Variants in PPARGC1A observed in about 807,000 individuals in gnomAD.
The protein encoded by PPARGC1A is peroxisome proliferator-activated receptor gamma coactivator 1-alpha.
PPARGC1A carries 25 observed loss-of-function variants against 88.7 expected under a neutral mutation model. The observed-to-expected ratio is 0.28, with a 90% confidence interval of 0.21 to 0.39. The LOEUF is 0.39. Ranked by LOEUF, PPARGC1A falls within the 10% of genes least tolerant of loss-of-function variation. PPARGC1A has a pLI of 1.00. For missense variants in PPARGC1A, 880 were observed against 968.7 expected (o/e 0.91, Z 1.22); for synonymous variants, 363 against 355.6 (o/e 1.02, Z -0.24).
At chr4:23,917,173 C>T in the PPARGC1A span, among the ~76,000 whole-genome samples, 1 of 152,146 alleles carries the variant, frequency 6.6e-6, no homozygotes, top group Non-Finnish European at 1.5e-5. Context: ...GCAATTGGAA[C>T]AGGCAGTAGA....
the PPARGC1A span, among the ~76,000 whole-genome samples, chr4:23,947,887 T>C: frequency 9.4e-3 from 1,426 of 152,208 alleles, 15 homozygotes; most frequent in African/African-American, 0.026. Flanking sequence ...CTAGGCTCCA[T>C]ATTGCTTTTT....
the PPARGC1A span, among the ~76,000 whole-genome samples, chr4:24,110,246 G>C: frequency 1.8e-4 from 27 of 152,266 alleles, no homozygotes; most frequent in African/African-American, 6.5e-4. Flanking sequence ...TGTGTATGGA[G>C]ATAACCCAAA....
chr4:24,121,556 C>A, the PPARGC1A span, among the ~76,000 whole-genome samples: 1 of 152,088 alleles, frequency 6.6e-6, no homozygotes, highest in Non-Finnish European at 1.5e-5. Flanking sequence ...ACACAGGAGC[C>A]ACTCCTGCCG....
the PPARGC1A span, among the ~76,000 whole-genome samples, chr4:24,064,939 C>A: frequency 6.6e-6 from 1 of 152,112 alleles, no homozygotes. Flanking sequence ...CACTCTAGAA[C>A]AAAGAAGTAT....
the PPARGC1A span, among the ~76,000 whole-genome samples, chr4:24,460,260 A>T: frequency 0.044 from 6,629 of 152,248 alleles, 495 homozygotes; most frequent in African/African-American, 0.15. Context: ...TTTATTTAAC[A>T]TCTACTTTAT....
chr4:24,276,119 C>A, the PPARGC1A span, among the ~76,000 whole-genome samples: 1 of 152,142 alleles, frequency 6.6e-6, no homozygotes, highest in Non-Finnish European at 1.5e-5. Flanking sequence ...TAGTGGGGCT[C>A]AACAGTACAT....
the PPARGC1A span, among the ~76,000 whole-genome samples, chr4:24,358,462 A>G: frequency 1.3e-5 from 2 of 152,158 alleles, no homozygotes; most frequent in African/African-American, 4.8e-5. Context: ...ATGCTCCTAA[A>G]CACTACTTTT....
At chr4:24,157,291 T>C in the PPARGC1A span, among the ~76,000 whole-genome samples, 4 of 152,308 alleles carry the variant, frequency 2.6e-5, no homozygotes, top group East Asian at 7.7e-4. Context: ...CTCAGCATCT[T>C]TAATCCTTTG....
At chr4:24,253,993 A>AT in the PPARGC1A span, among the ~76,000 whole-genome samples, 1 of 152,310 alleles carries the variant, frequency 6.6e-6, no homozygotes, top group South Asian at 2.1e-4. Context: ...TATCTGCCAA[A>AT]CACTGATTTA....
the PPARGC1A span, among the ~76,000 whole-genome samples, chr4:24,356,088 T>G: frequency 6.6e-6 from 1 of 151,478 alleles, no homozygotes; most frequent in African/African-American, 2.4e-5. Flanking sequence ...TCCCAGCTAC[T>G]CAGGAGGCTG....
At chr4:24,085,513 A>T in the PPARGC1A span, among the ~76,000 whole-genome samples, 1 of 152,170 alleles carries the variant, frequency 6.6e-6, no homozygotes, top group African/African-American at 2.4e-5. Context: ...TTTCAGGTAC[A>T]CCTGTGTTGG....
chr4:24,424,380 A>C, the PPARGC1A span, among the ~76,000 whole-genome samples: 7 of 140,512 alleles, frequency 5.0e-5, no homozygotes, highest in Non-Finnish European at 7.5e-5. Context: ...GGTTCACGCC[A>C]TTCTCCTGCC....
intron 2 of PPARGC1A, among the ~76,000 whole-genome samples, chr4:23,875,379 A>G (rs1247951112): frequency 2.6e-5 from 4 of 152,030 alleles, no homozygotes; most frequent in African/African-American, 7.2e-5. Context: ...CTTCTGAAAC[A>G]TTTGAATTAC....
At chr4:23,819,762 G>A (rs61162155) in intron 7 of PPARGC1A, among the ~76,000 whole-genome samples, 5,722 of 152,200 alleles carry the variant, frequency 0.038, 115 homozygotes, top group Middle Eastern at 0.058. Flanking sequence ...AGTAAGAGTC[G>A]CCAAGCATTG....
the PPARGC1A span, among the ~76,000 whole-genome samples, chr4:24,151,874 AC>A: frequency 2.6e-5 from 4 of 152,210 alleles, no homozygotes; most frequent in African/African-American, 7.2e-5. Flanking sequence ...TTAGGCAGAA[AC>A]AAATAAATAA....
the PPARGC1A span, among the ~76,000 whole-genome samples, chr4:23,995,259 G>C: frequency 6.6e-6 from 1 of 152,116 alleles, no homozygotes; most frequent in African/African-American, 2.4e-5. Context: ...CCCTGAAAAA[G>C]AGAAACACAC....
the PPARGC1A span, among the ~76,000 whole-genome samples, chr4:24,323,516 C>T: frequency 6.6e-6 from 1 of 152,182 alleles, no homozygotes; most frequent in African/African-American, 2.4e-5. Flanking sequence ...ACCTTGTGAC[C>T]CCTGCCCCTG....
intron 10 of PPARGC1A, among the ~76,000 whole-genome samples, chr4:23,810,913 TAATTA>T (rs756694945): frequency 3.7e-4 from 56 of 152,352 alleles, no homozygotes; most frequent in Middle Eastern, 3.4e-3. Context: ...AATAGGCCAT[TAATTA>T]AATACAGTGA....
At chr4:23,938,006 G>T in the PPARGC1A span, among the ~76,000 whole-genome samples, 1 of 152,238 alleles carries the variant, frequency 6.6e-6, no homozygotes, top group Non-Finnish European at 1.5e-5. Context: ...GGGCTTGGAG[G>T]TGGGTCCAAA....
Sources: gnomAD v4.1 joint callset for allele counts (sites outside exome capture counted in the v4.1 genomes callset) on GRCh38, gnomAD v4.1.1 for gene constraint, MANE v1.5 for transcripts, NCBI Gene and HGNC (gene_info 2026-07-23, HGNC 2026-07-21) for gene names.